SYT14: variants seen among roughly 807,000 people sequenced by gnomAD.
The protein encoded by SYT14 is synaptotagmin-14.
Under a neutral mutation model 74.2 loss-of-function variants are expected in SYT14, and 32 were observed. The ratio of observed to expected loss-of-function variants is 0.43; its 90% confidence interval spans 0.33 to 0.58. The LOEUF is 0.58. SYT14 is among the 20% of genes least tolerant of loss of function. The pLI is 0.05. For synonymous variants in SYT14, 298 were observed against 337.7 expected (o/e 0.88, Z 1.29); for missense variants, 791 against 981.8 (o/e 0.81, Z 2.60).
chr1:210,046,219 C>CA (rs2080881862), intron 5 of SYT14, among the ~76,000 whole-genome samples: 1 of 152,040 alleles, frequency 6.6e-6, no homozygotes, highest in African/African-American at 2.4e-5. Context: ...GCTAAAAGTA[C>CA]AAAAATTGGC....
chr1:210,104,859 A>G (rs932500225), intron 7 of SYT14, among the ~76,000 whole-genome samples: 1 of 152,200 alleles, frequency 6.6e-6, no homozygotes. Flanking sequence ...CTCAGAATAT[A>G]GGAGTCTTTA....
At position 209,953,595 on chromosome 1, in the gene SYT14, G is replaced by C. The variant is rs142198989; in HGVS notation, c.-486+839G>C. Among the ~76,000 whole-genome samples the C allele has an allele frequency of 6.9e-3, 1,051 of 152,288 alleles. 13 individuals are homozygous for C. Among genetic ancestry groups the C allele is most frequent in the Non-Finnish European group, 0.01 (697 of 68,022 alleles). ...GTCATTATTTGTGATACCTGGGTAT[G>C]AGAGGCATGGCAGGAAAATATCAGC... On this transcript the variant is annotated intron_variant, in intron 2 of 9. Transcript: ENST00000637265.
intron 5 of SYT14, among the ~76,000 whole-genome samples, chr1:210,047,718 A>G (rs930821248): frequency 2.0e-5 from 3 of 152,208 alleles, no homozygotes; most frequent in Non-Finnish European, 4.4e-5. Context: ...AATGTAGATT[A>G]TATTTTCAAT....
chr1:210,036,868 T>C (rs527419034), intron 5 of SYT14, among the ~76,000 whole-genome samples: 1 of 152,194 alleles, frequency 6.6e-6, no homozygotes, highest in South Asian at 2.1e-4. Flanking sequence ...TCTGTGGTCA[T>C]TAGGGATATG....
chr1:210,115,224 G>A (rs935968335), intron 7 of SYT14, among the ~76,000 whole-genome samples: 1 of 151,366 alleles, frequency 6.6e-6, no homozygotes, highest in African/African-American at 2.5e-5. Context: ...GGTCAGGTGT[G>A]AGTTGAAGAG....
At chr1:210,144,358 A>G (rs898091991) in intron 7 of SYT14, among the ~76,000 whole-genome samples, 7 of 152,184 alleles carry the variant, frequency 4.6e-5, no homozygotes, top group African/African-American at 1.7e-4. Context: ...AACAAGTGAT[A>G]TAACTATTAA....
intron 5 of SYT14, among the ~76,000 whole-genome samples, chr1:210,065,814 G>A (rs1175712570): frequency 2.6e-5 from 4 of 151,712 alleles, no homozygotes; most frequent in Admixed American, 6.6e-5. Flanking sequence ...CCATGTTGGT[G>A]TGCTGCACCC....
chr1:209,958,045 A>C (rs2079020426), intron 2 of SYT14, among the ~76,000 whole-genome samples: 1 of 151,886 alleles, frequency 6.6e-6, no homozygotes, highest in Non-Finnish European at 1.5e-5. Context: ...TAAGAGATTT[A>C]GTCTTGCTTT....
At chr1:210,018,129 T>C (rs2080224326) in intron 4 of SYT14, among the ~76,000 whole-genome samples, 1 of 152,214 alleles carries the variant, frequency 6.6e-6, no homozygotes, top group African/African-American at 2.4e-5. Flanking sequence ...TCTATTTTTC[T>C]AGCAGTTTTT....
intron 2 of SYT14, among the ~76,000 whole-genome samples, chr1:210,012,641 G>A (rs2080107036): frequency 6.6e-6 from 1 of 151,880 alleles, no homozygotes; most frequent in African/African-American, 2.4e-5. Flanking sequence ...ATAATGATAT[G>A]TGTTCTCATA....
At chr1:210,132,019 A>T (rs2082684280) in intron 7 of SYT14, among the ~76,000 whole-genome samples, 1 of 151,368 alleles carries the variant, frequency 6.6e-6, no homozygotes, top group Non-Finnish European at 1.5e-5. Context: ...CTACGGAAAC[A>T]CTCTCCTTAC....
chr1:210,046,193 G>T (rs2080881324), intron 5 of SYT14, among the ~76,000 whole-genome samples: 1 of 152,088 alleles, frequency 6.6e-6, no homozygotes, highest in African/African-American at 2.4e-5. Flanking sequence ...CAACATTTAG[G>T]TGAGATCCTG....
At chr1:210,117,301 G>A (rs1238957284) in intron 7 of SYT14, among the ~76,000 whole-genome samples, 1 of 152,046 alleles carries the variant, frequency 6.6e-6, no homozygotes, top group Non-Finnish European at 1.5e-5. Flanking sequence ...TAATTCAGAT[G>A]TGTGTCCCTA....
chr1:210,041,297 G>A (rs1183230620), intron 5 of SYT14, among the ~76,000 whole-genome samples: 1 of 152,170 alleles, frequency 6.6e-6, no homozygotes, highest in Non-Finnish European at 1.5e-5. Flanking sequence ...GTGTTCAGCA[G>A]GAGGGACTTA....
At chr1:210,137,923 C>T (rs1057424173) in intron 7 of SYT14, among the ~76,000 whole-genome samples, 20 of 152,170 alleles carry the variant, frequency 1.3e-4, no homozygotes, top group African/African-American at 4.8e-4. Context: ...TCGTGATCCA[C>T]CCGCCTCAGC....
Position 210,156,683 on chromosome 1 carries a change from C to CT in SYT14, c.2224+801dup, listed in dbSNP as rs71146208. ...AGGTAAACTGGGAAAGTGGCAGCTTCTTTTTTTTTTTTTTTTTTTTTTTTT... is the reference window on the plus strand; with the variant it reads ...AGGTAAACTGGGAAAGTGGCAGCTTCTTTTTTTTTTTTTTTTTTTTTTTTTT... On this transcript the variant is annotated intron_variant, in intron 8 of 9. Coordinates refer to ENST00000637265, the Ensembl canonical transcript of SYT14. Among the ~76,000 whole-genome samples the CT allele has an allele frequency of 4.6e-3, 255 of 56,006 alleles. 18 individuals are homozygous for CT. Among genetic ancestry groups the CT allele is most frequent in the Non-Finnish European group, 5.9e-3 (181 of 30,452 alleles). The allele number at this position is 56,006 out of a possible 152,430, so 36.7% of individuals were successfully genotyped here.
rs768690157 is a variant in SYT14, at chr1:210,013,631, A to G, written c.-485-2A>G. 2 of 1,611,118 alleles carry G rather than the reference A, an allele frequency of 1.2e-6. No homozygotes were observed. The highest frequency in any genetic ancestry group is 2.2e-5 in the East Asian group (1 of 44,772). ...TACAGCTGTGACTTTTTTTTTCTCT[A>G]GTATCTCCAGAGGCAGTTGGATTTT... On this transcript the variant is annotated splice_acceptor_variant, in intron 2 of 9. Coordinates refer to ENST00000637265, the Ensembl canonical transcript of SYT14. LOFTEE classifies it low-confidence loss of function (5UTR_SPLICE).
At chr1:210,016,429 T>C (rs1558130246) in exon 4 of SYT14, 3 of 1,232,096 alleles carry the variant, frequency 2.4e-6, no homozygotes, top group Non-Finnish European at 3.0e-6. Context: ...GTGATTCTTC[T>C]TTGAAAGGCT....
intron 7 of SYT14, among the ~76,000 whole-genome samples, chr1:210,126,344 C>CAAA (rs34217502): frequency 1.5e-5 from 2 of 137,568 alleles, no homozygotes; most frequent in African/African-American, 5.4e-5. Context: ...AATTTATGGC[C>CAAA]AAAAAAAAAA....
Sources: allele counts gnomAD v4.1 joint callset (sites outside exome capture counted in the v4.1 genomes callset), GRCh38; gene constraint gnomAD v4.1.1; transcripts MANE v1.5; gene names NCBI Gene and HGNC (gene_info 2026-07-23, HGNC 2026-07-21).